Variants in LRRC20 observed in about 807,000 individuals in gnomAD.
LRRC20 encodes leucine-rich repeat-containing protein 20.
LRRC20 carries 11 observed loss-of-function variants against 14.4 expected under a neutral mutation model. That is an observed-to-expected ratio of 0.77 (90% confidence interval 0.48 to 1.27). The LOEUF is 1.27. LRRC20 is among the 50% of genes most tolerant of loss of function. The pLI is 0.00. For synonymous variants in LRRC20, 121 were observed against 107.3 expected (o/e 1.13, Z -0.79); for missense variants, 219 against 251.2 (o/e 0.87, Z 0.87).
intron 4 of LRRC20, among the ~76,000 whole-genome samples, chr10:70,322,792 G>A (rs555788740): frequency 2.6e-5 from 4 of 152,130 alleles, no homozygotes; most frequent in East Asian, 3.9e-4. Flanking sequence ...TTTGGGCCTC[G>A]TTTGATTCAT....
At chr10:70,316,085 A>G (rs1841841194) in intron 4 of LRRC20, among the ~76,000 whole-genome samples, 1 of 152,172 alleles carries the variant, frequency 6.6e-6, no homozygotes. Flanking sequence ...AGTGGCAGTA[A>G]ATGGAGCCTG....
chr10:70,343,605 G>A (rs984711515), intron 2 of LRRC20, among the ~76,000 whole-genome samples: 2 of 152,226 alleles, frequency 1.3e-5, no homozygotes, highest in African/African-American at 4.8e-5. Flanking sequence ...GAGAAAGCAA[G>A]GGCTGAGCTG....
intron 2 of LRRC20, among the ~76,000 whole-genome samples, chr10:70,369,156 C>G (rs78457062): frequency 0.022 from 3,393 of 152,212 alleles, 106 homozygotes; most frequent in African/African-American, 0.077. Context: ...TTTCAAGGAA[C>G]AGGGTGGGCT....
intron 4 of LRRC20, among the ~76,000 whole-genome samples, chr10:70,312,955 A>G (rs1023551626): frequency 6.6e-6 from 1 of 152,172 alleles, no homozygotes; most frequent in Non-Finnish European, 1.5e-5. Flanking sequence ...AAAGCAAAGG[A>G]GAAAAACCTT....
At chr10:70,326,701 G>A (rs562422887) in intron 3 of LRRC20, among the ~76,000 whole-genome samples, 1 of 152,286 alleles carries the variant, frequency 6.6e-6, no homozygotes, top group South Asian at 2.1e-4. Context: ...CACCCAGGCT[G>A]GAGTGCAGTG....
intron 4 of LRRC20, among the ~76,000 whole-genome samples, chr10:70,314,688 T>C (rs780334243): frequency 2.6e-5 from 4 of 152,084 alleles, no homozygotes; most frequent in African/African-American, 4.8e-5. Flanking sequence ...GCATCGCTGG[T>C]CTTCTCGGTG....
chr10:70,323,167 A>G (rs1842159458), intron 4 of LRRC20, among the ~76,000 whole-genome samples: 1 of 152,012 alleles, frequency 6.6e-6, no homozygotes, highest in Non-Finnish European at 1.5e-5. Flanking sequence ...GAGGGCACAC[A>G]GAGACCCCAC....
At chr10:70,302,170 C>T (rs914544919) in intron 4 of LRRC20, among the ~76,000 whole-genome samples, 9 of 152,108 alleles carry the variant, frequency 5.9e-5, no homozygotes, top group Non-Finnish European at 1.0e-4. Flanking sequence ...AAACATTAGC[C>T]GGGCATGGTG....
intron 2 of LRRC20, among the ~76,000 whole-genome samples, chr10:70,371,740 G>A (rs1428268533): frequency 1.3e-5 from 2 of 152,158 alleles, no homozygotes; most frequent in Non-Finnish European, 2.9e-5. Flanking sequence ...TGATGCTGAG[G>A]AGGGGTGAGA....
At chr10:70,320,628 A>G (rs1169322046) in intron 4 of LRRC20, among the ~76,000 whole-genome samples, 1 of 152,074 alleles carries the variant, frequency 6.6e-6, no homozygotes, top group East Asian at 1.9e-4. Context: ...TATGCCACAC[A>G]CCACGCCCGA....
At chr10:70,336,591 T>C (rs1379272850) in intron 3 of LRRC20, among the ~76,000 whole-genome samples, 1 of 152,172 alleles carries the variant, frequency 6.6e-6, no homozygotes, top group Non-Finnish European at 1.5e-5. Context: ...TCCTTGTCAA[T>C]CACAGAGGAT....
At chr10:70,328,840 C>A (rs1410023482) in intron 3 of LRRC20, among the ~76,000 whole-genome samples, 2 of 152,078 alleles carry the variant, frequency 1.3e-5, no homozygotes, top group Non-Finnish European at 2.9e-5. Context: ...ATTACCTGAA[C>A]CCGGGAGGCG....
At chr10:70,344,922 T>C (rs1455881169) in intron 2 of LRRC20, among the ~76,000 whole-genome samples, 1 of 152,216 alleles carries the variant, frequency 6.6e-6, no homozygotes, top group Non-Finnish European at 1.5e-5. Flanking sequence ...TGTCCATTGA[T>C]GACAAGTCAA....
chr10:70,358,359 C>T (rs1032830548), intron 2 of LRRC20, among the ~76,000 whole-genome samples: 4 of 152,324 alleles, frequency 2.6e-5, no homozygotes, highest in East Asian at 1.9e-4. Context: ...CCCGCTGAAC[C>T]GACACAGCAC....
intron 3 of LRRC20, among the ~76,000 whole-genome samples, chr10:70,336,969 A>G (rs934509061): frequency 1.3e-5 from 2 of 152,208 alleles, no homozygotes; most frequent in African/African-American, 4.8e-5. Context: ...CATCAGACCA[A>G]TTCCATGTGT....
intron 4 of LRRC20, among the ~76,000 whole-genome samples, chr10:70,310,367 T>C (rs1181996371): frequency 6.6e-6 from 1 of 152,208 alleles, no homozygotes; most frequent in Non-Finnish European, 1.5e-5. Context: ...CAGTGGTCTC[T>C]GGACTTTGTT....
At chr10:70,324,626 G>A (rs965832244) in intron 3 of LRRC20, among the ~76,000 whole-genome samples, 2 of 152,202 alleles carry the variant, frequency 1.3e-5, no homozygotes, top group South Asian at 2.1e-4. Flanking sequence ...CTGGGCCGGG[G>A]GAGTCCCTCT....
At chr10:70,301,911 T>C (rs1188422325) in intron 4 of LRRC20, among the ~76,000 whole-genome samples, 1 of 152,182 alleles carries the variant, frequency 6.6e-6, no homozygotes, top group African/African-American at 2.4e-5. Context: ...ATATGATATA[T>C]ACTATGTTGT....
chr10:70,372,091 C>T lies in LRRC20; in HGVS notation c.82+4361G>A, dbSNP rs113072762. Among the ~76,000 whole-genome samples, 52 of 150,356 alleles carry T rather than the reference C, an allele frequency of 3.5e-4. 1 individual carries two copies. The highest frequency in any genetic ancestry group is 1.1e-3 in the African/African-American group (43 of 40,674). On this transcript the variant is annotated intron_variant, in intron 2 of 4. Coordinates refer to ENST00000446961, the MANE Select transcript of LRRC20 (RefSeq NM_001278212.2). Reference sequence around the variant, plus strand: ...CACCCCGGGAGGGAACCCAGCAGGACGGGAAAAGCCAGGGAAGCCTATGTC... The same window carrying T: ...CACCCCGGGAGGGAACCCAGCAGGATGGGAAAAGCCAGGGAAGCCTATGTC...
Sources: allele counts gnomAD v4.1 joint callset (sites outside exome capture counted in the v4.1 genomes callset), GRCh38; gene constraint gnomAD v4.1.1; transcripts MANE v1.5; gene names NCBI Gene and HGNC (gene_info 2026-07-23, HGNC 2026-07-21).